LHFPL6: variants seen among roughly 807,000 people sequenced by gnomAD.
LHFPL6 encodes the protein LHFPL tetraspan subfamily member 6 protein.
In LHFPL6, 9 loss-of-function variants were observed where a neutral mutation model predicts 20.6. The observed-to-expected ratio is 0.44, with a 90% CI of 0.26 to 0.76. The LOEUF is 0.76. LHFPL6 is among the 30% of genes least tolerant of loss of function. The pLI, the probability that LHFPL6 is intolerant of heterozygous loss-of-function variation, is 0.20. For synonymous variants in LHFPL6, 105 were observed against 98.7 expected, an observed-to-expected ratio of 1.06 and a Z score of -0.38; for missense variants, 218 against 253.5, an observed-to-expected ratio of 0.86 and a Z score of 0.95.
chr13:39,390,923 G>A (rs1870693201), intron 2 of LHFPL6, among the ~76,000 whole-genome samples: 1 of 152,124 alleles, frequency 6.6e-6, no homozygotes, highest in African/African-American at 2.4e-5. Context: ...CTTGAATCAG[G>A]AAGGTGGAGG....
intron 3 of LHFPL6, among the ~76,000 whole-genome samples, chr13:39,365,475 G>C (rs1476938330): frequency 6.6e-6 from 1 of 152,100 alleles, no homozygotes; most frequent in Non-Finnish European, 1.5e-5. Flanking sequence ...TAGCTCTTGG[G>C]AACGAACCTC....
At chr13:39,364,635 T>C (rs1204290620) in intron 3 of LHFPL6, among the ~76,000 whole-genome samples, 2 of 152,246 alleles carry the variant, frequency 1.3e-5, no homozygotes, top group East Asian at 3.9e-4. Context: ...GCCCGGTGGA[T>C]AGTTTTCTTT....
chr13:39,456,364 T>C (rs1182748219), intron 2 of LHFPL6, among the ~76,000 whole-genome samples: 1 of 152,214 alleles, frequency 6.6e-6, no homozygotes, highest in Non-Finnish European at 1.5e-5. Context: ...AAGGCTGATA[T>C]TAGATAGCAG....
chr13:39,483,171 C>T (rs1868595300), intron 2 of LHFPL6, among the ~76,000 whole-genome samples: 1 of 152,104 alleles, frequency 6.6e-6, no homozygotes, highest in African/African-American at 2.4e-5. Flanking sequence ...CACATGTGGA[C>T]ATTTTAAAAC....
intron 2 of LHFPL6, among the ~76,000 whole-genome samples, chr13:39,403,864 G>A (rs1255044102): frequency 1.3e-5 from 2 of 152,154 alleles, no homozygotes; most frequent in Non-Finnish European, 2.9e-5. Context: ...CTTGAATCCC[G>A]TACCTCTTAG....
Position 39,602,910 on chromosome 13 carries a change from C to T in LHFPL6, c.-202G>A. ...GGCTGGCGGGCGGCGGCCACCTTCC[C>T]TCCCGCGTCCCGGGCGCACACACAA... On this transcript the variant is annotated 5_prime_UTR_variant, in exon 1 of 4. Coordinates refer to ENST00000379589, the MANE Select transcript of LHFPL6 (RefSeq NM_005780.3). The T allele has an allele frequency of 6.5e-6, 1 of 152,682 alleles. No homozygotes were observed. The highest frequency in any genetic ancestry group is 1.5e-5 in the Non-Finnish European group (1 of 68,342). The allele number at this position is 152,682 out of a possible 1,614,324, so 9.5% of individuals were successfully genotyped here. A position where few individuals can be genotyped will look rare whatever the true frequency, so the allele number is the denominator to read the frequency against.
intron 2 of LHFPL6, among the ~76,000 whole-genome samples, chr13:39,442,615 T>G (rs1593314773): frequency 6.6e-6 from 1 of 152,218 alleles, no homozygotes; most frequent in East Asian, 1.9e-4. Flanking sequence ...TAGCTCTAAG[T>G]GTCTATCTTT....
chr13:39,367,823 T>A (rs1287034004), intron 3 of LHFPL6, among the ~76,000 whole-genome samples: 2 of 152,230 alleles, frequency 1.3e-5, no homozygotes, highest in Non-Finnish European at 2.9e-5. Flanking sequence ...TCTGGAGACC[T>A]TAAGTTAAAA....
intron 2 of LHFPL6, among the ~76,000 whole-genome samples, chr13:39,477,621 C>T (rs140710660): frequency 6.6e-5 from 10 of 152,208 alleles, no homozygotes; most frequent in African/African-American, 9.6e-5. Flanking sequence ...ATTCATCCTT[C>T]GATAAAACAT....
intron 2 of LHFPL6, among the ~76,000 whole-genome samples, chr13:39,541,271 C>T (rs1017264652): frequency 2.6e-5 from 4 of 152,180 alleles, no homozygotes; most frequent in African/African-American, 9.7e-5. Flanking sequence ...GCTTTAAAGA[C>T]ATAGTTTGAA....
In LHFPL6 at chr13:39,559,695, G is replaced by A. The variant is rs143516649; in HGVS notation, c.385+41137C>T. Among the ~76,000 whole-genome samples, 577 of 152,214 alleles carry A rather than the reference G, an allele frequency of 3.8e-3. 5 individuals carry two copies. Among genetic ancestry groups the A allele is most frequent in the African/African-American group, 0.013 (554 of 41,526 alleles). The stretch of plus-strand genomic sequence containing the variant: ...ATCTAGAAGAACGGGTGAAAAGTAC[G>A]GATTATATTAAATGTGAGGAGTGCC... On this transcript the variant is annotated intron_variant, in intron 2 of 3. Transcript: ENST00000379589.
intron 2 of LHFPL6, among the ~76,000 whole-genome samples, chr13:39,556,706 T>C (rs1473295122): frequency 6.6e-6 from 1 of 152,160 alleles, no homozygotes; most frequent in Non-Finnish European, 1.5e-5. Flanking sequence ...GCTCATGCTA[T>C]AAACCCAGCA....
At chr13:39,372,629 T>C (rs559957867) in intron 3 of LHFPL6, among the ~76,000 whole-genome samples, 29 of 152,332 alleles carry the variant, frequency 1.9e-4, no homozygotes, top group Admixed American at 3.9e-4. Flanking sequence ...CTTAATAAAA[T>C]ATAAAAATGC....
Position 39,462,038 on chromosome 13 carries a change from C to T in LHFPL6, c.386-83512G>A, listed in dbSNP as rs150388687. On this transcript the variant is annotated intron_variant, in intron 2 of 3. Transcript: ENST00000379589. ...TTCAAAGTCAGCTCTCATCTTGGGG[C>T]AGTGCTTAGCAGAGGTGGGGCTGAC... Among the ~76,000 whole-genome samples the T allele has an allele frequency of 1.8e-4, 27 of 152,308 alleles. 1 individual carries two copies. The highest frequency in any genetic ancestry group is 1.8e-3 in the Admixed American group (27 of 15,298).
At chr13:39,446,192 A>G (rs1342578312) in intron 2 of LHFPL6, among the ~76,000 whole-genome samples, 2 of 152,176 alleles carry the variant, frequency 1.3e-5, no homozygotes, top group Non-Finnish European at 2.9e-5. Flanking sequence ...ATAAAGTGGA[A>G]GAAATATGAA....
At chr13:39,564,014 G>C (rs1177726558) in intron 2 of LHFPL6, among the ~76,000 whole-genome samples, 1 of 152,062 alleles carries the variant, frequency 6.6e-6, no homozygotes, top group Non-Finnish European at 1.5e-5. Context: ...TTGAGCCCAT[G>C]GTGAACACTC....
chr13:39,358,363 A>G (rs1869781350), intron 3 of LHFPL6, among the ~76,000 whole-genome samples: 2 of 152,320 alleles, frequency 1.3e-5, no homozygotes, highest in Middle Eastern at 3.4e-3. Context: ...ATAAAAGTGG[A>G]CACCTTCCTT....
intron 2 of LHFPL6, among the ~76,000 whole-genome samples, chr13:39,456,369 T>G (rs1872570482): frequency 6.6e-6 from 1 of 152,222 alleles, no homozygotes; most frequent in African/African-American, 2.4e-5. Context: ...TGATATTAGA[T>G]AGCAGAAATA....
chr13:39,463,655 T>A (rs1446466076), intron 2 of LHFPL6, among the ~76,000 whole-genome samples: 1 of 152,168 alleles, frequency 6.6e-6, no homozygotes, highest in Non-Finnish European at 1.5e-5. Context: ...AAAGTCTGAA[T>A]ATTTCAGCCA....
Sources: allele counts gnomAD v4.1 joint callset (sites outside exome capture counted in the v4.1 genomes callset), GRCh38; gene constraint gnomAD v4.1.1; transcripts MANE v1.5; gene names NCBI Gene and HGNC (gene_info 2026-07-23, HGNC 2026-07-21).